Variants in FBXO10 observed in about 807,000 individuals in gnomAD.
FBXO10 encodes the protein F-box protein 10.
In FBXO10, 39 loss-of-function variants were observed where a neutral mutation model predicts 80.7. The observed-to-expected ratio is 0.48, with a 90% CI of 0.37 to 0.63. The LOEUF is 0.63. Ranked by LOEUF, FBXO10 falls within the 30% of genes least tolerant of loss-of-function variation. The pLI, the probability that FBXO10 is intolerant of heterozygous loss-of-function variation, is 0.00. For synonymous variants in FBXO10, 449 were observed against 489.6 expected (o/e 0.92, Z 1.09); for missense variants, 1,025 against 1,269.0 (o/e 0.81, Z 2.92).
chr9:37,520,429 G>C (rs1227677159), intron 8 of FBXO10, among the ~76,000 whole-genome samples: 2 of 147,388 alleles, frequency 1.4e-5, no homozygotes, highest in Non-Finnish European at 3.0e-5. Context: ...TGAACTCCTG[G>C]GCTCAAGCGA....
chr9:37,544,764 G>A, intron 1 of FBXO10, among the ~76,000 whole-genome samples: 1 of 152,088 alleles, frequency 6.6e-6, no homozygotes, highest in Non-Finnish European at 1.5e-5. Context: ...GGAGGCCGAG[G>A]TGGGCGGATC....
chr9:37,571,748 T>TATATATATATATATATATATATATA (rs1167585567), intron 1 of FBXO10, among the ~76,000 whole-genome samples: 7 of 134,772 alleles, frequency 5.2e-5, no homozygotes, highest in African/African-American at 1.1e-4. Context: ...TATATATATA[T>TATATATATATATATATATATATATA]TTCCTTATTG....
chr9:37,562,167 G>C (rs1314261060), intron 1 of FBXO10, among the ~76,000 whole-genome samples: 1 of 152,184 alleles, frequency 6.6e-6, no homozygotes, highest in Non-Finnish European at 1.5e-5. Context: ...CGTTCACCAA[G>C]CACCAAGATG....
intron 1 of FBXO10, among the ~76,000 whole-genome samples, chr9:37,569,212 C>T (rs1192037607): frequency 6.6e-6 from 1 of 151,062 alleles, no homozygotes; most frequent in Non-Finnish European, 1.5e-5. Context: ...AAAAAAAATA[C>T]CTTGTGTAGA....
chr9:37,571,327 T>C (rs1266260375), intron 1 of FBXO10, among the ~76,000 whole-genome samples: 1 of 152,168 alleles, frequency 6.6e-6, no homozygotes, highest in Non-Finnish European at 1.5e-5. Flanking sequence ...CTTATAAGTT[T>C]TCCCAGGATT....
intron 5 of FBXO10, among the ~76,000 whole-genome samples, chr9:37,527,741 C>CTTGT: frequency 6.6e-6 from 1 of 152,288 alleles, no homozygotes; most frequent in East Asian, 1.9e-4. Context: ...TGTTGTATAT[C>CTTGT]ACTGCCCCCT....
chr9:37,543,461 T>C (rs142645574), intron 1 of FBXO10, among the ~76,000 whole-genome samples: 1 of 152,102 alleles, frequency 6.6e-6, no homozygotes, highest in South Asian at 2.1e-4. Context: ...AACTCAGGAA[T>C]AGCCTCTGGT....
rs1490781885 is a variant in FBXO10 at position 37,541,760 on chromosome 9, A to G, written c.9T>C (p.Ala3=). The G allele has an allele frequency of 3.1e-6, 5 of 1,595,476 alleles. No individual in the cohort carries two copies. Among genetic ancestry groups the G allele is most frequent in the Non-Finnish European group, 4.3e-6 (5 of 1,167,898 alleles). ME[A]GGLPLELWRM... ...GCCACAGCTCCAAGGGGAGGCCACC[A>G]GCCTCCATGGTCACCTAGGAGACAG... The change falls in exon 2 of 11, where the codon GCT becomes GCC. Residue 3 remains alanine (A), a synonymous_variant. Coordinates refer to ENST00000432825, the MANE Select transcript of FBXO10 (RefSeq NM_012166.3).
chr9:37,559,728 G>A (rs10758439), intron 1 of FBXO10, among the ~76,000 whole-genome samples: 84,631 of 152,090 alleles, frequency 0.56, 24,517 homozygotes, highest in African/African-American at 0.73. Flanking sequence ...TGCCTATGCA[G>A]GATCATCCAC....
chr9:37,568,755 T>C (rs1822673109), intron 1 of FBXO10, among the ~76,000 whole-genome samples: 2 of 151,958 alleles, frequency 1.3e-5, no homozygotes, highest in Non-Finnish European at 2.9e-5. Flanking sequence ...AAGGTCGGAG[T>C]TCATGTGGTC....
chr9:37,574,750 C>T (rs1419813118), intron 1 of FBXO10, among the ~76,000 whole-genome samples: 1 of 152,108 alleles, frequency 6.6e-6, no homozygotes, highest in Non-Finnish European at 1.5e-5. Context: ...GTACTGAGAA[C>T]GGGCAGGGAG....
At chr9:37,532,304 T>C (rs1328410899) in intron 3 of FBXO10, among the ~76,000 whole-genome samples, 55 of 148,466 alleles carry the variant, frequency 3.7e-4, no homozygotes, top group African/African-American at 1.3e-3. Context: ...CTTTTTTTTT[T>C]TTTTTTTTTT....
intron 5 of FBXO10, among the ~76,000 whole-genome samples, chr9:37,527,718 C>A (rs950007942): frequency 1.3e-5 from 2 of 152,162 alleles, no homozygotes; most frequent in African/African-American, 4.8e-5. Context: ...CAGGCAGGGA[C>A]TGTTCTTGTA....
At chr9:37,548,841 T>C (rs548222352) in intron 1 of FBXO10, among the ~76,000 whole-genome samples, 5 of 152,198 alleles carry the variant, frequency 3.3e-5, no homozygotes, top group African/African-American at 1.2e-4. Flanking sequence ...CTCTTCCTCC[T>C]GGGTTCAAGC....
chr9:37,570,992 C>CA lies in FBXO10; in HGVS notation c.-7+5218dup, dbSNP rs149180080. Among the ~76,000 whole-genome samples, 603 of 110,330 alleles carry CA rather than the reference C, an allele frequency of 5.5e-3. 1 individual carries two copies. Among genetic ancestry groups the CA allele is most frequent in the Middle Eastern group, 0.011 (2 of 180 alleles). The allele number at this position is 110,330 out of a possible 152,430, so 72.4% of individuals were successfully genotyped here. A position where few individuals can be genotyped will look rare whatever the true frequency, so the allele number is the denominator to read the frequency against. On this transcript the variant is annotated intron_variant, in intron 1 of 10. Transcript: ENST00000432825. The stretch of plus-strand genomic sequence containing the variant: ...CTGGCGACAGGGCAAGACTCCGTCT[C>CA]AAAAAAAAAAAAAAAAATTATAAAC...
chr9:37,556,075 T>C (rs1043370915), intron 1 of FBXO10, among the ~76,000 whole-genome samples: 1 of 152,232 alleles, frequency 6.6e-6, no homozygotes. Context: ...GCACCATTTG[T>C]TGAAAACAGT....
intron 1 of FBXO10, among the ~76,000 whole-genome samples, chr9:37,558,844 CTT>C (rs1350099241): frequency 2.0e-5 from 3 of 149,600 alleles, no homozygotes; most frequent in East Asian, 2.0e-4. Flanking sequence ...GAGTTTCGCT[CTT>C]GTTGCCCAGG....
At chr9:37,524,762 C>A (rs370492554) in intron 6 of FBXO10, among the ~76,000 whole-genome samples, 1 of 152,106 alleles carries the variant, frequency 6.6e-6, no homozygotes, top group Admixed American at 6.6e-5. Context: ...AGGGGTTAGC[C>A]GGGCGGAGGT....
At chr9:37,560,843 TA>T (rs1160765992) in intron 1 of FBXO10, among the ~76,000 whole-genome samples, 1 of 152,062 alleles carries the variant, frequency 6.6e-6, no homozygotes, top group Non-Finnish European at 1.5e-5. Flanking sequence ...GTTTTTTGAT[TA>T]AAAAAACTTT....
Sources: allele counts gnomAD v4.1 joint callset (sites outside exome capture counted in the v4.1 genomes callset), GRCh38; gene constraint gnomAD v4.1.1; transcripts MANE v1.5; gene names NCBI Gene and HGNC (gene_info 2026-07-23, HGNC 2026-07-21).